The following TMEM232 variants were observed in gnomAD, a reference collection of about 807,000 sequenced individuals.
TMEM232 encodes the protein transmembrane protein 232.
Under a neutral mutation model 78.8 loss-of-function variants are expected in TMEM232, and 80 were observed. The ratio of observed to expected loss-of-function variants is 1.01; its 90% CI spans 0.85 to 1.22. The LOEUF (loss-of-function observed/expected upper bound fraction) is 1.22. Ranked by LOEUF, TMEM232 falls within the 50% of genes most tolerant of loss-of-function variation. The pLI is 0.00. For missense variants in TMEM232, 881 were observed against 742.2 expected (o/e 1.19, Z -2.17); for synonymous variants, 297 against 254.3 (o/e 1.17, Z -1.60).
At chr5:110,524,359 GAAAAAA>G in intron 12 of TMEM232, among the ~76,000 whole-genome samples, 1 of 90,108 alleles carries the variant, frequency 1.1e-5, no homozygotes, top group South Asian at 3.7e-4. Flanking sequence ...AAGAAAGAAA[GAAAAAA>G]AGAAAGAAAG....
At chr5:110,695,657 G>C (rs917115914) in intron 1 of TMEM232, among the ~76,000 whole-genome samples, 2 of 152,168 alleles carry the variant, frequency 1.3e-5, no homozygotes, top group Non-Finnish European at 2.9e-5. Flanking sequence ...ACTACCATCA[G>C]AGAATACTAT....
intron 1 of TMEM232, among the ~76,000 whole-genome samples, chr5:110,736,837 A>T (rs1799221220): frequency 6.6e-6 from 1 of 151,606 alleles, no homozygotes; most frequent in African/African-American, 2.4e-5. Context: ...CTCATTTCCT[A>T]TCACTTTCAC....
At chr5:110,625,503 A>G (rs1424782581) in intron 6 of TMEM232, 70 bp from the exon 7 acceptor site, 1 of 1,349,754 alleles carries the variant, frequency 7.4e-7, no homozygotes, top group Admixed American at 3.0e-5. Context: ...TTTGTCTTTT[A>G]GCTATTAAAC....
intron 2 of TMEM232, among the ~76,000 whole-genome samples, chr5:110,404,519 C>A (rs1044009334): frequency 2.6e-5 from 4 of 151,694 alleles, no homozygotes; most frequent in African/African-American, 4.8e-5. Flanking sequence ...ATATGTGAGC[C>A]CTAAAGATTA....
chr5:110,427,866 C>G (rs755775430), intron 12 of TMEM232, among the ~76,000 whole-genome samples: 18 of 151,428 alleles, frequency 1.2e-4, no homozygotes, highest in Non-Finnish European at 2.1e-4. Flanking sequence ...TTTTTGGGTA[C>G]ACAGTAGGTG....
intron 8 of TMEM232, among the ~76,000 whole-genome samples, chr5:110,614,200 T>G (rs1354553433): frequency 6.6e-6 from 1 of 152,120 alleles, no homozygotes; most frequent in African/African-American, 2.4e-5. Flanking sequence ...CTTCTTCACT[T>G]GATAATTTCC....
chr5:110,482,838 A>G (rs1764027045), intron 12 of TMEM232, among the ~76,000 whole-genome samples: 1 of 151,860 alleles, frequency 6.6e-6, no homozygotes, highest in African/African-American at 2.4e-5. Context: ...CAAGAATTCT[A>G]TATCCAGAAA....
At chr5:110,676,731 TTTTA>T (rs146657284) in intron 1 of TMEM232, among the ~76,000 whole-genome samples, 29,766 of 139,118 alleles carry the variant, frequency 0.21, 3,416 homozygotes, top group African/African-American at 0.3. Context: ...ACCCTTCATC[TTTTA>T]TTTATTTATT....
At chr5:110,690,932 T>C (rs1169577276) in intron 1 of TMEM232, among the ~76,000 whole-genome samples, 1 of 150,894 alleles carries the variant, frequency 6.6e-6, no homozygotes, top group Non-Finnish European at 1.5e-5. Context: ...AATGAGAACA[T>C]GTGGACATAG....
chr5:110,564,386 T>C (rs1776093644), intron 11 of TMEM232, among the ~76,000 whole-genome samples: 1 of 152,006 alleles, frequency 6.6e-6, no homozygotes, highest in South Asian at 2.1e-4. Context: ...GAATGGCCTA[T>C]TTCAAAATGG....
chr5:110,428,394 T>C (rs1757474326), intron 12 of TMEM232, among the ~76,000 whole-genome samples: 1 of 151,740 alleles, frequency 6.6e-6, no homozygotes, highest in African/African-American at 2.4e-5. Context: ...ATATAAATAT[T>C]CTCCCATCCT....
chr5:110,439,728 T>G (rs1758824567), intron 12 of TMEM232, among the ~76,000 whole-genome samples: 1 of 151,992 alleles, frequency 6.6e-6, no homozygotes, highest in Admixed American at 6.6e-5. Context: ...ACTTTTTGCA[T>G]TTTAATTCTT....
intron 2 of TMEM232, among the ~76,000 whole-genome samples, chr5:110,402,581 G>A (rs565365765): frequency 6.6e-6 from 1 of 152,196 alleles, no homozygotes; most frequent in South Asian, 2.1e-4. Context: ...ACCACAATCA[G>A]TGACAGGACT....
At chr5:110,628,661 C>CTGTGTG (rs1784720718) in intron 5 of TMEM232, among the ~76,000 whole-genome samples, 1 of 121,382 alleles carries the variant, frequency 8.2e-6, no homozygotes, top group African/African-American at 3.9e-5. Flanking sequence ...TGTCAGTATC[C>CTGTGTG]AGTGTGTGTG....
chr5:110,587,661 A>ATG (rs1254588310), intron 10 of TMEM232, among the ~76,000 whole-genome samples: 24 of 99,294 alleles, frequency 2.4e-4, no homozygotes, highest in South Asian at 1.4e-3. Context: ...GGGTACATGT[A>ATG]TGTATATATA....
intron 2 of TMEM232, among the ~76,000 whole-genome samples, chr5:110,665,196 G>T (rs970314831): frequency 2.8e-4 from 43 of 152,166 alleles, no homozygotes; most frequent in African/African-American, 8.9e-4. Context: ...AAATTATCAA[G>T]AAATTTTGAT....
At chr5:110,545,449 T>C (rs1773658357) in intron 11 of TMEM232, among the ~76,000 whole-genome samples, 1 of 152,050 alleles carries the variant, frequency 6.6e-6, no homozygotes, top group Admixed American at 6.6e-5. Flanking sequence ...AATATTATAG[T>C]TTCTTTTCTT....
chr5:110,432,155 G>A (rs932419361), intron 12 of TMEM232, among the ~76,000 whole-genome samples: 6 of 151,436 alleles, frequency 4.0e-5, no homozygotes, highest in Admixed American at 3.3e-4. Context: ...TACTATATAA[G>A]GTCACCATCC....
chr5:110,403,223 C>T (rs1755668064), intron 2 of TMEM232, among the ~76,000 whole-genome samples: 1 of 152,026 alleles, frequency 6.6e-6, no homozygotes, highest in Admixed American at 6.6e-5. Context: ...AACACTTAGA[C>T]TGTGAGCAGA....
Sources: gnomAD v4.1 joint callset for allele counts (sites outside exome capture counted in the v4.1 genomes callset) on GRCh38, gnomAD v4.1.1 for gene constraint, MANE v1.5 for transcripts, NCBI Gene and HGNC (gene_info 2026-07-23, HGNC 2026-07-21) for gene names.